Variants in CYTH4 observed in about 807,000 individuals in gnomAD.
CYTH4 encodes the protein cytohesin 4, also known as cytohesin-4.
In CYTH4, 22 loss-of-function variants were observed where a neutral mutation model predicts 57.5. That is an observed-to-expected ratio of 0.38 (90% CI 0.27 to 0.55). CYTH4 has a LOEUF of 0.55. Ranked by LOEUF, CYTH4 falls within the 20% of genes least tolerant of loss-of-function variation. CYTH4 has a pLI of 0.74. For missense variants in CYTH4, 420 were observed against 535.6 expected, an observed-to-expected ratio of 0.78 and a Z score of 2.13; for synonymous variants, 186 against 206.5, an observed-to-expected ratio of 0.90 and a Z score of 0.85.
rs1299178448 is a variant in CYTH4, at chr22:37,282,509, A to G, written c.-61A>G. The G allele has an allele frequency of 1.2e-6, 2 of 1,611,366 alleles. No individual in the cohort carries two copies. The highest frequency in any genetic ancestry group is 1.7e-6 in the Non-Finnish European group (2 of 1,179,002). The stretch of plus-strand genomic sequence containing the variant: ...GACGCATCCTTGCCGGGCCAGCCCG[A>G]ACAGCAGCTGGGTCGGCAAGCGACA... On this transcript the variant is annotated 5_prime_UTR_variant, in exon 1 of 13. Transcript: ENST00000248901.
At chr22:37,297,373 A>G (rs76210534) in intron 4 of CYTH4, among the ~76,000 whole-genome samples, 191 bp from the exon 5 acceptor site, 3,920 of 152,170 alleles carry the variant, frequency 0.026, 170 homozygotes, top group African/African-American at 0.09. Context: ...GCATGCCTCC[A>G]GTGATGGGGA....
chr22:37,303,852 T>C (rs1331348631), intron 8 of CYTH4, among the ~76,000 whole-genome samples: 3 of 152,176 alleles, frequency 2.0e-5, no homozygotes, highest in African/African-American at 7.2e-5. Context: ...AGGCCCTACT[T>C]GAGCTGGGCC....
intron 12 of CYTH4, among the ~76,000 whole-genome samples, chr22:37,313,207 G>C (rs552229985): frequency 1.3e-5 from 2 of 152,362 alleles, no homozygotes; most frequent in South Asian, 4.1e-4. Context: ...AAGGCTCTCA[G>C]CTCCTGATCG....
At position 37,300,877 on chromosome 22, in the gene CYTH4, C is replaced by A. The variant is rs1048361191; in HGVS notation, c.435-30C>A. 4 of 1,598,700 alleles carry A rather than the reference C, an allele frequency of 2.5e-6. No homozygotes were observed. The East Asian group carries it at 9.0e-5, about 36-fold the overall frequency. ...TGGGGCCCGCGAGGGCCCACCCACT[C>A]CACTGCCCGTGGCCCCGTTTCTCCC... On this transcript the variant is annotated intron_variant, in intron 6 of 12. Coordinates refer to ENST00000248901, the MANE Select transcript of CYTH4 (RefSeq NM_013385.5).
At chr22:37,284,202 G>C (rs898498466) in intron 1 of CYTH4, among the ~76,000 whole-genome samples, 2 of 152,156 alleles carry the variant, frequency 1.3e-5, no homozygotes, top group African/African-American at 4.8e-5. Context: ...GGGGTCAATG[G>C]GTTCTCCATC....
intron 8 of CYTH4, among the ~76,000 whole-genome samples, chr22:37,308,291 CAGAA>C (rs1346027625): frequency 6.6e-6 from 1 of 152,176 alleles, no homozygotes; most frequent in Non-Finnish European, 1.5e-5. Context: ...GACAGAGAGA[CAGAA>C]AGAGAATACG....
At chr22:37,290,740 C>T (rs1053667952) in intron 1 of CYTH4, among the ~76,000 whole-genome samples, 1 of 152,198 alleles carries the variant, frequency 6.6e-6, no homozygotes, top group Non-Finnish European at 1.5e-5. Flanking sequence ...GATCTCCTGA[C>T]CTCGTGACCC....
chr22:37,285,107 C>T (rs1928502804), intron 1 of CYTH4, among the ~76,000 whole-genome samples: 1 of 152,216 alleles, frequency 6.6e-6, no homozygotes, highest in South Asian at 2.1e-4. Context: ...GCATCCTCCT[C>T]CTGCCCTGGA....
chr22:37,307,840 A>G (rs540016311), intron 8 of CYTH4, among the ~76,000 whole-genome samples: 1 of 152,346 alleles, frequency 6.6e-6, no homozygotes, highest in African/African-American at 2.4e-5. Flanking sequence ...CATAGAACGC[A>G]ATATCTCATG....
rs1929650924 is a variant in CYTH4 at position 37,311,729 on chromosome 22, T to G, written c.957+202T>G. The G allele has an allele frequency of 1.5e-6, 1 of 652,182 alleles. No individual in the cohort carries two copies. Among genetic ancestry groups the G allele is most frequent in the Admixed American group, 2.8e-5 (1 of 35,234 alleles). 40.4% of individuals were successfully genotyped at this position (652,182 alleles called of 1,614,324 possible). ...GTCAATGTGGGTCCAAGGACGTGGTTGTCCCCTGTTGTCCCACACAGCCCG... is the reference window on the plus strand; with the variant it reads ...GTCAATGTGGGTCCAAGGACGTGGTGGTCCCCTGTTGTCCCACACAGCCCG... On this transcript the variant is annotated intron_variant, in intron 11 of 12. Coordinates refer to ENST00000248901, the MANE Select transcript of CYTH4 (RefSeq NM_013385.5). The surrounding 1 kb of genome is among the most constrained non-coding windows in gnomAD (Gnocchi z 4.4).
chr22:37,293,557 C>T (rs1279005863), intron 2 of CYTH4, among the ~76,000 whole-genome samples: 2 of 152,264 alleles, frequency 1.3e-5, no homozygotes, highest in African/African-American at 4.8e-5. Context: ...CACTCAGTGG[C>T]TCTGCCAAGA....
rs745957487 is a variant in CYTH4 at position 37,298,148 on chromosome 22, C to G, written c.353+466C>G. On this transcript the variant is annotated intron_variant, in intron 5 of 12. Coordinates refer to ENST00000248901, the MANE Select transcript of CYTH4 (RefSeq NM_013385.5). This position sits in a 1 kb window ranked among gnomAD's most constrained non-coding sequence, Gnocchi z 4.1. ...CTTTGGGAGGCCGAGGCAGGCAGAT[C>G]GCGAGGTCAGGAGTTCCAGATCAGC... The G allele has an allele frequency of 1.3e-5, 2 of 156,888 alleles. No homozygotes were observed. The highest frequency in any genetic ancestry group is 2.8e-5 in the Non-Finnish European group (2 of 70,596). 9.7% of individuals were successfully genotyped at this position (156,888 alleles called of 1,614,324 possible). A position where few individuals can be genotyped will look rare whatever the true frequency, so the allele number is the denominator to read the frequency against.
chr22:37,298,940 G>C lies in CYTH4; in HGVS notation c.354-286G>C, dbSNP rs1365843075. On this transcript the variant is annotated intron_variant, in intron 5 of 12. Transcript: ENST00000248901. The surrounding 1 kb of genome is among the most constrained non-coding windows in gnomAD (Gnocchi z 4.1). The stretch of plus-strand genomic sequence containing the variant: ...CACCAGGTGGGAAGTTACAGGAAAT[G>C]AGGAAGGCCTGGACTGAGGGCAAGG... 6.6e-6 allele frequency among the ~76,000 whole-genome samples: 1 copy of C among 152,164 alleles called. No individual in the cohort carries two copies. The highest frequency in any genetic ancestry group is 6.5e-5 in the Admixed American group (1 of 15,288).
At chr22:37,299,072 T>A (rs183157676) in intron 5 of CYTH4, among the ~76,000 whole-genome samples, 154 bp from the exon 6 acceptor site, 16 of 152,196 alleles carry the variant, frequency 1.1e-4, no homozygotes, top group Non-Finnish European at 1.9e-4. Flanking sequence ...GGGTGTGATA[T>A]GGGTGGGACA....
At chr22:37,308,192 C>A (rs561898790) in intron 8 of CYTH4, among the ~76,000 whole-genome samples, 1 of 152,360 alleles carries the variant, frequency 6.6e-6, no homozygotes, top group East Asian at 1.9e-4. Context: ...TCCTCAGGGG[C>A]CCCTCAACTC....
intron 1 of CYTH4, chr22:37,292,401 G>A (rs750559580): frequency 5.6e-6 from 3 of 539,112 alleles, no homozygotes. Flanking sequence ...CCTTTTGGGG[G>A]TGTCTATCCA....
At position 37,313,512 on chromosome 22, in the gene CYTH4, G is replaced by T. The variant is rs1477356040; in HGVS notation, c.*1G>T. 1 of 1,614,158 alleles carries T rather than the reference G, an allele frequency of 6.2e-7. No homozygotes were observed. On this transcript the variant is annotated 3_prime_UTR_variant, in exon 13 of 13. Transcript: ENST00000248901. ...GAAGAAGATTGCCAGCAAGCAGTGA[G>T]ATTCCTGGAGGTGGCACTGGGGGCT...
intron 8 of CYTH4, among the ~76,000 whole-genome samples, chr22:37,305,839 AC>A (rs1346216451): frequency 6.6e-6 from 1 of 152,216 alleles, no homozygotes; most frequent in Non-Finnish European, 1.5e-5. Flanking sequence ...GGGTACACAG[AC>A]CATGAGGATG....
Position 37,309,981 on chromosome 22 carries a change from G to A in CYTH4, c.808+658G>A, listed in dbSNP as rs12170385. Reference sequence around the variant, plus strand: ...GCCCCTGCCTCCCACACACACTTCCGGAAGCCTCTCCAGCAGGGACAGCCA... The same window carrying A: ...GCCCCTGCCTCCCACACACACTTCCAGAAGCCTCTCCAGCAGGGACAGCCA... On this transcript the variant is annotated intron_variant, in intron 9 of 12. Transcript: ENST00000248901. 1,832 of 468,318 alleles carry A rather than the reference G, an allele frequency of 3.9e-3. 31 individuals carry two copies. The highest frequency in any genetic ancestry group is 0.032 in the African/African-American group (1,593 of 50,078). The allele number at this position is 468,318 out of a possible 1,614,324, so 29.0% of individuals were successfully genotyped here. A position where few individuals can be genotyped will look rare whatever the true frequency, so the allele number is the denominator to read the frequency against.
Sources: gnomAD v4.1 joint callset for allele counts (sites outside exome capture counted in the v4.1 genomes callset) on GRCh38, gnomAD v4.1.1 for gene constraint, Gnocchi (gnomAD v3.1) non-coding constraint, MANE v1.5 for transcripts, NCBI Gene and HGNC (gene_info 2026-07-23, HGNC 2026-07-21) for gene names.